The following SLC24A3 variants were observed in gnomAD, a reference collection of about 807,000 sequenced individuals.
SLC24A3 encodes the protein sodium/potassium/calcium exchanger 3.
SLC24A3 carries 28 observed loss-of-function variants against 75.8 expected under a neutral mutation model. That is an observed-to-expected ratio of 0.37 (90% confidence interval 0.27 to 0.51). The LOEUF (loss-of-function observed/expected upper bound fraction) is 0.51. Ranked by LOEUF, SLC24A3 falls within the 20% of genes least tolerant of loss-of-function variation. The probability of loss-of-function intolerance (pLI) is 0.94; values close to 1 mark genes in which losing one functional copy is unlikely to be tolerated. For synonymous variants in SLC24A3, 372 were observed against 334.1 expected, an observed-to-expected ratio of 1.11 and a Z score of -1.24; for missense variants, 663 against 847.8, an observed-to-expected ratio of 0.78 and a Z score of 2.71.
chr20:19,508,568 G>A (rs1370342355), intron 2 of SLC24A3, among the ~76,000 whole-genome samples: 2 of 151,588 alleles, frequency 1.3e-5, no homozygotes, highest in Non-Finnish European at 2.9e-5. Flanking sequence ...CATCAAACTC[G>A]GGTCTCATGA....
At chr20:19,675,768 T>C (rs531884801) in intron 9 of SLC24A3, among the ~76,000 whole-genome samples, 2 of 152,304 alleles carry the variant, frequency 1.3e-5, no homozygotes, top group East Asian at 3.9e-4. Flanking sequence ...CCAAAGCCTT[T>C]CCAAACTTTC....
chr20:19,508,193 A>T (rs1470634965), intron 2 of SLC24A3, among the ~76,000 whole-genome samples: 1 of 152,210 alleles, frequency 6.6e-6, no homozygotes, highest in East Asian at 1.9e-4. Flanking sequence ...ACTAAGACAG[A>T]TGAAAGCACG....
At chr20:19,555,550 C>G (rs914892781) in intron 3 of SLC24A3, among the ~76,000 whole-genome samples, 1 of 152,208 alleles carries the variant, frequency 6.6e-6, no homozygotes, top group Non-Finnish European at 1.5e-5. Context: ...CACTGGTCTA[C>G]AGAGACTTAA....
At chr20:19,448,793 G>A (rs755759275) in intron 2 of SLC24A3, among the ~76,000 whole-genome samples, 15 of 152,324 alleles carry the variant, frequency 9.8e-5, no homozygotes, top group Non-Finnish European at 1.9e-4. Flanking sequence ...AAGAGTCAAT[G>A]AGACAAACCA....
At chr20:19,285,692 G>A (rs1983798824) in intron 2 of SLC24A3, among the ~76,000 whole-genome samples, 1 of 135,610 alleles carries the variant, frequency 7.4e-6, no homozygotes, top group South Asian at 2.3e-4. Flanking sequence ...GACTTCATCT[G>A]AAGCCTGGAA....
Position 19,553,903 on chromosome 20 carries a change from A to G in SLC24A3, c.349-26097A>G, listed in dbSNP as rs527298341. ...GAAGTTGTAGATAACTTACATTGGC[A>G]GAGTAGACAATCTGAGAACAGCAGG... On this transcript the variant is annotated intron_variant, in intron 3 of 16. Transcript: ENST00000328041. Among the ~76,000 whole-genome samples the G allele has an allele frequency of 3.3e-5, 5 of 152,328 alleles. No homozygotes were observed. In the East Asian group the frequency reaches 9.6e-4, roughly 29 times the overall value.
intron 3 of SLC24A3, among the ~76,000 whole-genome samples, chr20:19,540,493 G>T (rs1368366760): frequency 6.6e-6 from 1 of 152,170 alleles, no homozygotes. Context: ...CGCAAAAGCT[G>T]TTCTTTTACA....
At chr20:19,232,634 G>A (rs1982055654) in intron 1 of SLC24A3, among the ~76,000 whole-genome samples, 1 of 152,218 alleles carries the variant, frequency 6.6e-6, no homozygotes, top group Non-Finnish European at 1.5e-5. Context: ...TAGTCCAGTA[G>A]CCTGCACTAG....
intron 6 of SLC24A3, among the ~76,000 whole-genome samples, chr20:19,619,642 T>C (rs560853680): frequency 1.6e-3 from 245 of 152,290 alleles, no homozygotes; most frequent in Non-Finnish European, 3.2e-3. Context: ...TGTGGGTGCT[T>C]CTCAAGGCCC....
chr20:19,674,610 A>G (rs1335642709), intron 9 of SLC24A3, among the ~76,000 whole-genome samples: 1 of 152,232 alleles, frequency 6.6e-6, no homozygotes, highest in Non-Finnish European at 1.5e-5. Flanking sequence ...TATTCTGTTT[A>G]TTAGAAGCGA....
intron 3 of SLC24A3, among the ~76,000 whole-genome samples, chr20:19,533,306 C>T (rs982674794): frequency 2.0e-5 from 3 of 152,156 alleles, no homozygotes; most frequent in Admixed American, 1.3e-4. Context: ...GAATGGTTTA[C>T]GCAGAAGCTT....
At chr20:19,580,346 T>G (rs1030906305) in intron 4 of SLC24A3, among the ~76,000 whole-genome samples, 1 of 152,158 alleles carries the variant, frequency 6.6e-6, no homozygotes, top group African/African-American at 2.4e-5. Context: ...AATGGTACTA[T>G]TTGTGTTTTC....
chr20:19,472,872 TC>T (rs1254519640), intron 2 of SLC24A3, among the ~76,000 whole-genome samples: 2 of 152,212 alleles, frequency 1.3e-5, no homozygotes, highest in Non-Finnish European at 2.9e-5. Flanking sequence ...CTAGCAGGGT[TC>T]CCCTGCGGCT....
intron 3 of SLC24A3, among the ~76,000 whole-genome samples, chr20:19,519,912 G>T (rs1267957710): frequency 1.3e-5 from 2 of 152,186 alleles, no homozygotes; most frequent in East Asian, 1.9e-4. Flanking sequence ...CTCGAAGTTG[G>T]TGTGGGTGGC....
In SLC24A3 at chr20:19,416,531, A is replaced by G. The variant is rs191580226; in HGVS notation, c.272-98957A>G. ...CTTCTCCCTCACAGACAAGGACACC[A>G]GTGAGGAGAGTGGCTCTGCCCAAGG... On this transcript the variant is annotated intron_variant, in intron 2 of 16. Transcript: ENST00000328041. Among the ~76,000 whole-genome samples the G allele has an allele frequency of 2.0e-5, 3 of 152,350 alleles. No individual in the cohort carries two copies. In the East Asian group the frequency reaches 5.8e-4, roughly 29 times the overall value.
At chr20:19,278,071 G>T (rs907763428) in intron 1 of SLC24A3, among the ~76,000 whole-genome samples, 20 of 152,202 alleles carry the variant, frequency 1.3e-4, no homozygotes, top group Admixed American at 9.2e-4. Flanking sequence ...AGCTGGCACA[G>T]TGCAGCTTCT....
intron 2 of SLC24A3, among the ~76,000 whole-genome samples, chr20:19,458,928 A>G (rs1987623647): frequency 1.3e-5 from 2 of 152,342 alleles, no homozygotes; most frequent in Middle Eastern, 6.8e-3. Flanking sequence ...TATAACTTGT[A>G]AAACTTGAGA....
intron 2 of SLC24A3, among the ~76,000 whole-genome samples, chr20:19,392,118 G>A (rs6046051): frequency 0.12 from 17,977 of 152,096 alleles, 1,593 homozygotes; most frequent in East Asian, 0.33. Context: ...AAAAAAGAAA[G>A]GTCCTTGGAG....
intron 2 of SLC24A3, among the ~76,000 whole-genome samples, chr20:19,460,641 CACTCT>C (rs1381892357): frequency 2.0e-5 from 3 of 152,092 alleles, no homozygotes; most frequent in Admixed American, 6.5e-5. Context: ...GTGTCTTAAC[CACTCT>C]ACTCAACTGT....
Sources: gnomAD v4.1 joint callset for allele counts (sites outside exome capture counted in the v4.1 genomes callset) on GRCh38, gnomAD v4.1.1 for gene constraint, MANE v1.5 for transcripts, NCBI Gene and HGNC (gene_info 2026-07-23, HGNC 2026-07-21) for gene names.